Variants in SPRR2F observed in about 807,000 individuals in gnomAD.
SPRR2F encodes the protein small proline rich protein 2F.
Under a neutral mutation model 0.8 loss-of-function variants are expected in SPRR2F, and 2 were observed. The ratio of observed to expected loss-of-function variants is 2.52; its 90% CI spans 1.03 to 7.95. The LOEUF (loss-of-function observed/expected upper bound fraction) is 7.95. Among genes scored for constraint, SPRR2F ranks in the 30% most tolerant of loss-of-function variants. The pLI, the probability that SPRR2F is intolerant of heterozygous loss-of-function variation, is 0.04. For missense variants in SPRR2F, 80 were observed against 85.8 expected (o/e 0.93, Z 0.27); for synonymous variants, 39 against 33.4 (o/e 1.17, Z -0.58).
upstream of SPRR2F, among the ~76,000 whole-genome samples, chr1:153,114,248 A>G (rs551109747): frequency 6.8e-4 from 104 of 152,130 alleles, 1 homozygote; most frequent in Admixed American, 9.8e-4. Context: ...CCCAATTTGT[A>G]CAGGCAATTG....
At chr1:153,115,724 A>G (rs759618992), upstream of SPRR2F, among the ~76,000 whole-genome samples, 3 of 151,984 alleles carry the variant, frequency 2.0e-5, no homozygotes, top group Admixed American at 2.0e-4. Context: ...CTATCTATCT[A>G]TCTATCTATC....
At chr1:153,112,781 G>C in intron 1 of SPRR2F, 29 bp from the exon 2 acceptor site, 2 of 1,608,502 alleles carry the variant, frequency 1.2e-6, no homozygotes, top group Non-Finnish European at 1.7e-6. Flanking sequence ...CAGTGTTCAC[G>C]GGAAGGGAAT....
At chr1:153,118,474 GT>G (rs982987592), upstream of SPRR2F, among the ~76,000 whole-genome samples, 2 of 152,078 alleles carry the variant, frequency 1.3e-5, no homozygotes, top group Non-Finnish European at 2.9e-5. Context: ...CAAGAGATAA[GT>G]GAATCTTCAT....
the SPRR2F span, among the ~76,000 whole-genome samples, chr1:153,119,208 C>T: frequency 2.6e-5 from 4 of 152,062 alleles, no homozygotes; most frequent in African/African-American, 9.7e-5. Context: ...ACAGTAAATG[C>T]GGAAGGAAGA....
At chr1:153,114,139 C>T (rs1323724314), upstream of SPRR2F, among the ~76,000 whole-genome samples, 1 of 151,352 alleles carries the variant, frequency 6.6e-6, no homozygotes, top group African/African-American at 2.4e-5. Flanking sequence ...TCTGCTGACC[C>T]TGTTCAAGCC....
In SPRR2F at chr1:153,112,420, C is replaced by A. The variant is rs1655610511; in HGVS notation, c.*95G>T. 4 of 1,533,564 alleles carry A rather than the reference C, an allele frequency of 2.6e-6. No homozygotes were observed. Among genetic ancestry groups the A allele is most frequent in the East Asian group, 2.3e-5 (1 of 44,186 alleles). 95.0% of individuals were successfully genotyped at this position (1,533,564 alleles called of 1,614,324 possible). ...GAGGAAAGAAGCTCCCTGTGTATCC[C>A]TGGATGGCTTTGATGAGAAGATGCA... On this transcript the variant is annotated 3_prime_UTR_variant, in exon 2 of 2. Coordinates refer to ENST00000468739, the MANE Select transcript of SPRR2F (RefSeq NM_001014450.3).
upstream of SPRR2F, among the ~76,000 whole-genome samples, chr1:153,116,915 C>A (rs1655731381): frequency 6.6e-6 from 1 of 151,918 alleles, no homozygotes; most frequent in African/African-American, 2.4e-5. Context: ...ATAGTACCTA[C>A]CATTAAATTG....
chr1:153,119,027 CT>C, the SPRR2F span, among the ~76,000 whole-genome samples: 1 of 152,110 alleles, frequency 6.6e-6, no homozygotes, highest in Non-Finnish European at 1.5e-5. Context: ...TTAATTCAAA[CT>C]AGATAACTGT....
the SPRR2F span, among the ~76,000 whole-genome samples, chr1:153,118,673 G>C: frequency 6.6e-6 from 1 of 152,142 alleles, no homozygotes; most frequent in African/African-American, 2.4e-5. Context: ...CAAAACCTGA[G>C]GCGGTTCATT....
intron 1 of SPRR2F, among the ~76,000 whole-genome samples, chr1:153,112,958 T>C (rs954345989): frequency 2.6e-5 from 4 of 152,254 alleles, no homozygotes; most frequent in African/African-American, 4.8e-5. Flanking sequence ...TTTTCTCATA[T>C]AATTTTTCCA....
chr1:153,114,792 T>A (rs1008886322), upstream of SPRR2F, among the ~76,000 whole-genome samples: 1 of 152,198 alleles, frequency 6.6e-6, no homozygotes, highest in Non-Finnish European at 1.5e-5. Flanking sequence ...ATATATATTG[T>A]CAATGCATAT....
At chr1:153,114,693 C>T (rs1321293185), upstream of SPRR2F, among the ~76,000 whole-genome samples, 1 of 152,060 alleles carries the variant, frequency 6.6e-6, no homozygotes, top group Non-Finnish European at 1.5e-5. Flanking sequence ...TTCCATAAGC[C>T]CCCTAGTCTC....
At chr1:153,116,727 A>G (rs559688143), upstream of SPRR2F, among the ~76,000 whole-genome samples, 8 of 152,300 alleles carry the variant, frequency 5.3e-5, no homozygotes, top group South Asian at 1.7e-3. Context: ...ATACATGTCT[A>G]TGAAACAGTT....
chr1:153,117,132 T>A (rs1655735452), upstream of SPRR2F, among the ~76,000 whole-genome samples: 1 of 152,030 alleles, frequency 6.6e-6, no homozygotes, highest in Admixed American at 6.5e-5. Context: ...TTCTTTTAGG[T>A]CAGAGCCAGA....
At chr1:153,115,872 T>C (rs775506558), upstream of SPRR2F, among the ~76,000 whole-genome samples, 3 of 152,180 alleles carry the variant, frequency 2.0e-5, no homozygotes, top group Admixed American at 6.5e-5. Flanking sequence ...TCCATAATTT[T>C]TGAAGGGATT....
chr1:153,115,554 G>A (rs1360207951), upstream of SPRR2F, among the ~76,000 whole-genome samples: 1 of 152,122 alleles, frequency 6.6e-6, no homozygotes, highest in Non-Finnish European at 1.5e-5. Context: ...AAGTGAACTT[G>A]AAATTCAGAG....
At chr1:153,114,221 T>C (rs538927731), upstream of SPRR2F, among the ~76,000 whole-genome samples, 1 of 152,072 alleles carries the variant, frequency 6.6e-6, no homozygotes, top group African/African-American at 2.4e-5. Context: ...CTTTCCTCTT[T>C]GAAGCTGTCT....
chr1:153,114,016 TTTTTTTGTTG>T (rs1655664809), upstream of SPRR2F, among the ~76,000 whole-genome samples: 3 of 106,066 alleles, frequency 2.8e-5, no homozygotes, highest in African/African-American at 1.2e-4. Flanking sequence ...TTTTTTTTTT[TTTTTTTGTTG>T]CTAAGTTGTG....
At chr1:153,117,585 T>C (rs1655742479), upstream of SPRR2F, among the ~76,000 whole-genome samples, 1 of 152,060 alleles carries the variant, frequency 6.6e-6, no homozygotes, top group Non-Finnish European at 1.5e-5. Flanking sequence ...GAATCATTCA[T>C]TAGCATTAAC....
Sources: allele counts gnomAD v4.1 joint callset (sites outside exome capture counted in the v4.1 genomes callset), GRCh38; gene constraint gnomAD v4.1.1; transcripts MANE v1.5; gene names NCBI Gene and HGNC (gene_info 2026-07-23, HGNC 2026-07-21).